The following RBMS3 variants were observed in gnomAD, a reference collection of about 807,000 sequenced individuals.
RBMS3 encodes the protein RNA binding motif single stranded interacting protein 3, also known as RNA-binding motif, single-stranded-interacting protein 3.
RBMS3 carries 27 observed loss-of-function variants against 66.8 expected under a neutral mutation model. The ratio of observed to expected loss-of-function variants is 0.40; its 90% CI spans 0.30 to 0.56. The LOEUF is 0.56. RBMS3 is among the 20% of genes least tolerant of loss of function. The pLI is 0.40. For synonymous variants in RBMS3, 188 were observed against 183.0 expected, an observed-to-expected ratio of 1.03 and a Z score of -0.22; for missense variants, 513 against 549.5, an observed-to-expected ratio of 0.93 and a Z score of 0.66.
At chr3:29,987,351 C>T (rs1196792337) in intron 12 of RBMS3, among the ~76,000 whole-genome samples, 2 of 152,146 alleles carry the variant, frequency 1.3e-5, no homozygotes, top group African/African-American at 4.8e-5. Context: ...ATACTTTATG[C>T]TTATGTAACT....
intron 3 of RBMS3, among the ~76,000 whole-genome samples, chr3:29,507,876 A>G (rs1008081422): frequency 3.3e-5 from 5 of 152,158 alleles, no homozygotes; most frequent in African/African-American, 7.2e-5. Context: ...TTCAATGTTC[A>G]TTATATGTTT....
chr3:29,335,115 A>AT (rs34400668), intron 1 of RBMS3, among the ~76,000 whole-genome samples: 41,072 of 149,488 alleles, frequency 0.27, 5,826 homozygotes, highest in Middle Eastern at 0.32. Flanking sequence ...TATGTTTGAC[A>AT]TTTTTTTTTT....
intron 2 of RBMS3, among the ~76,000 whole-genome samples, chr3:29,485,035 C>G (rs2125826188): frequency 6.6e-6 from 1 of 152,104 alleles, no homozygotes; most frequent in African/African-American, 2.4e-5. Flanking sequence ...TTGAAGGATC[C>G]CACCAATTTG....
intron 6 of RBMS3, among the ~76,000 whole-genome samples, chr3:29,763,240 G>C (rs931786049): frequency 6.6e-6 from 1 of 152,016 alleles, no homozygotes; most frequent in Non-Finnish European, 1.5e-5. Context: ...GCAAAGAATA[G>C]TTAAAGAATG....
intron 4 of RBMS3, among the ~76,000 whole-genome samples, chr3:29,589,410 T>C (rs545426586): frequency 6.6e-6 from 1 of 152,284 alleles, no homozygotes; most frequent in South Asian, 2.1e-4. Context: ...CCAATTGGAA[T>C]GTTTAAAGTC....
intron 7 of RBMS3, among the ~76,000 whole-genome samples, chr3:29,882,970 C>G (rs911827359): frequency 4.0e-5 from 6 of 151,888 alleles, no homozygotes; most frequent in Non-Finnish European, 8.8e-5. Context: ...TACTAAGTTT[C>G]TCCCAATTGT....
chr3:29,295,314 T>TAC (rs2033167915), intron 1 of RBMS3, among the ~76,000 whole-genome samples: 1 of 105,110 alleles, frequency 9.5e-6, no homozygotes, highest in African/African-American at 3.1e-5. Context: ...TCTATATATA[T>TAC]ACATATATAT....
intron 3 of RBMS3, among the ~76,000 whole-genome samples, chr3:29,489,826 T>A (rs574692656): frequency 3.8e-4 from 58 of 150,710 alleles, no homozygotes; most frequent in African/African-American, 1.3e-3. Flanking sequence ...GGGTGGATCA[T>A]GAGGTCAGGA....
At chr3:29,538,853 AT>A (rs1186530758) in intron 3 of RBMS3, among the ~76,000 whole-genome samples, 1 of 152,102 alleles carries the variant, frequency 6.6e-6, no homozygotes, top group Admixed American at 6.6e-5. Flanking sequence ...ACATTCCGTG[AT>A]TTTTTTATTT....
chr3:30,003,602 C>G (rs1699708720), intron 14 of RBMS3, among the ~76,000 whole-genome samples: 1 of 151,936 alleles, frequency 6.6e-6, no homozygotes, highest in Non-Finnish European at 1.5e-5. Context: ...CTCAAAGGAT[C>G]TGTAAGGAGC....
chr3:29,702,711 G>A (rs954465471), intron 4 of RBMS3, among the ~76,000 whole-genome samples: 5 of 151,812 alleles, frequency 3.3e-5, no homozygotes, highest in African/African-American at 1.2e-4. Context: ...CAGATGCACC[G>A]CCTCAAGAGC....
Position 29,888,583 on chromosome 3 carries a change from A to G in RBMS3, c.791+4375A>G, listed in dbSNP as rs78947704. ...GTAAGACTCCCAAGTCTATACTTCA[A>G]GTGTGTAACTAGCTTCAGAGATCAA... is the stretch of plus-strand genomic sequence containing the variant. On this transcript the variant is annotated intron_variant, in intron 8 of 14. Transcript: ENST00000383767. Among the ~76,000 whole-genome samples the G allele has an allele frequency of 7.4e-3, 1,120 of 151,822 alleles. 16 individuals are homozygous for G. Among genetic ancestry groups the G allele is most frequent in the African/African-American group, 0.026 (1,082 of 41,470 alleles).
Position 29,649,243 on chromosome 3 carries a change from C to A in RBMS3, c.399+62038C>A, listed in dbSNP as rs796331397. 9.0e-4 allele frequency among the ~76,000 whole-genome samples: 137 copies of A among 152,112 alleles called. 1 individual carries two copies. The highest frequency in any genetic ancestry group is 3.2e-3 in the African/African-American group (132 of 41,512). On this transcript the variant is annotated intron_variant, in intron 4 of 14. Coordinates refer to ENST00000383767, the MANE Select transcript of RBMS3 (RefSeq NM_001003793.3). ...GGCAATACATGAAAAGATGAGTCTC[C>A]TTCTCATCTGTGCCCATCATTAAGA... is the stretch of plus-strand genomic sequence containing the variant.
intron 3 of RBMS3, among the ~76,000 whole-genome samples, chr3:29,579,738 G>A (rs2047259680): frequency 6.6e-6 from 1 of 152,096 alleles, no homozygotes; most frequent in Non-Finnish European, 1.5e-5. Context: ...CTGCATGTTA[G>A]CAAAGCAAAG....
In RBMS3 at chr3:29,521,652, G is replaced by C. The variant is rs1237595655; in HGVS notation, c.307+33153G>C. On this transcript the variant is annotated intron_variant, in intron 3 of 14. Transcript: ENST00000383767. ...TTAAGTGGACTTGATAAAATATGAAGCACATGCTTTGTGTTCAGCCTGTTC... is the reference window on the plus strand; with the variant it reads ...TTAAGTGGACTTGATAAAATATGAACCACATGCTTTGTGTTCAGCCTGTTC... Among the ~76,000 whole-genome samples the C allele has an allele frequency of 2.0e-5, 3 of 152,164 alleles. No individual in the cohort carries two copies. The East Asian group carries it at 5.8e-4, about 29-fold the overall frequency.
intron 2 of RBMS3, among the ~76,000 whole-genome samples, chr3:29,481,768 G>A (rs142721387): frequency 5.0e-4 from 76 of 152,272 alleles, no homozygotes; most frequent in African/African-American, 8.2e-4. Context: ...AGCATTGAAC[G>A]GGGACATACT....
chr3:29,888,080 A>G (rs1236476561), intron 8 of RBMS3, among the ~76,000 whole-genome samples: 1 of 151,668 alleles, frequency 6.6e-6, no homozygotes, highest in East Asian at 1.9e-4. Context: ...CTGCAGGTAC[A>G]TCCGTTAACC....
chr3:29,428,221 C>A (rs915986712), intron 1 of RBMS3, among the ~76,000 whole-genome samples: 1 of 151,978 alleles, frequency 6.6e-6, no homozygotes, highest in African/African-American at 2.4e-5. Flanking sequence ...GATTTCCCAA[C>A]CCTACAGGGG....
At chr3:29,809,174 A>G (rs1475830533) in intron 6 of RBMS3, among the ~76,000 whole-genome samples, 3 of 151,708 alleles carry the variant, frequency 2.0e-5, no homozygotes, top group East Asian at 3.9e-4. Context: ...GTTTAATGAC[A>G]TGTTATAAGA....
Sources: allele counts gnomAD v4.1 joint callset (sites outside exome capture counted in the v4.1 genomes callset), GRCh38; gene constraint gnomAD v4.1.1; transcripts MANE v1.5; gene names NCBI Gene and HGNC (gene_info 2026-07-23, HGNC 2026-07-21).